EYA4: variants seen among roughly 807,000 people sequenced by gnomAD.
The protein encoded by EYA4 is EYA transcriptional coactivator and phosphatase 4, also known as protein phosphatase EYA4.
A neutral mutation model predicts 87.9 loss-of-function variants in EYA4; 31 were observed. The observed-to-expected ratio is 0.35, with a 90% CI of 0.27 to 0.48. EYA4 has a LOEUF of 0.48. EYA4 is among the 20% of genes least tolerant of loss of function. The probability of loss-of-function intolerance (pLI) is 0.99; values close to 1 mark genes in which losing one functional copy is unlikely to be tolerated. For missense variants in EYA4, 678 were observed against 761.4 expected (o/e 0.89, Z 1.29); for synonymous variants, 263 against 270.6 (o/e 0.97, Z 0.28).
intron 1 of EYA4, among the ~76,000 whole-genome samples, chr6:133,242,329 C>A (rs1215508795): frequency 2.6e-5 from 4 of 152,190 alleles, no homozygotes; most frequent in Admixed American, 1.3e-4. Flanking sequence ...TTTTCAACTG[C>A]GGCGATCCCA....
chr6:133,313,036 A>G (rs1780351639), intron 2 of EYA4, among the ~76,000 whole-genome samples: 1 of 151,746 alleles, frequency 6.6e-6, no homozygotes, highest in African/African-American at 2.4e-5. Context: ...TTTTATTTTC[A>G]TTTTCTTCTT....
intron 10 of EYA4, among the ~76,000 whole-genome samples, chr6:133,466,443 G>A (rs1794848889): frequency 2.0e-5 from 3 of 152,106 alleles, no homozygotes. Flanking sequence ...TTAGGAATTG[G>A]TCTGTATACT....
chr6:133,525,952 G>T (rs1421171657), intron 19 of EYA4: 2 of 984,014 alleles, frequency 2.0e-6, no homozygotes, highest in African/African-American at 3.5e-5. Context: ...TGAGCCAGTG[G>T]TACTTGATTG....
At chr6:133,465,925 A>T (rs1794797009) in intron 10 of EYA4, among the ~76,000 whole-genome samples, 1 of 152,182 alleles carries the variant, frequency 6.6e-6, no homozygotes, top group African/African-American at 2.4e-5. Context: ...GTCTTAAAAC[A>T]CTAAACATCA....
intron 2 of EYA4, among the ~76,000 whole-genome samples, chr6:133,288,917 T>TTAC (rs1778274071): frequency 1.3e-5 from 2 of 152,108 alleles, no homozygotes; most frequent in African/African-American, 4.8e-5. Flanking sequence ...GACCAGAAGG[T>TTAC]TACTGGTGGC....
At chr6:133,522,258 G>C (rs1800249065) in intron 17 of EYA4, among the ~76,000 whole-genome samples, 1 of 60,624 alleles carries the variant, frequency 1.6e-5, no homozygotes, top group Admixed American at 1.7e-4. Flanking sequence ...GTGCCATGTT[G>C]GTGTGCTATT....
At chr6:133,252,086 AT>A (rs1233079281) in intron 1 of EYA4, among the ~76,000 whole-genome samples, 1 of 152,188 alleles carries the variant, frequency 6.6e-6, no homozygotes, top group Admixed American at 6.5e-5. Context: ...GGAAGTAAAT[AT>A]TTATTTGAAT....
At chr6:133,343,547 C>A (rs1782960789) in intron 2 of EYA4, among the ~76,000 whole-genome samples, 1 of 148,714 alleles carries the variant, frequency 6.7e-6, no homozygotes, top group African/African-American at 2.5e-5. Context: ...ACCACCACCA[C>A]CACCAGCACC....
At chr6:133,353,461 T>C (rs945501823) in intron 2 of EYA4, among the ~76,000 whole-genome samples, 5 of 152,176 alleles carry the variant, frequency 3.3e-5, no homozygotes, top group African/African-American at 1.2e-4. Flanking sequence ...TAGATATTTT[T>C]TGAACATTTC....
intron 2 of EYA4, among the ~76,000 whole-genome samples, chr6:133,331,062 A>T (rs1781919676): frequency 7.0e-6 from 1 of 143,808 alleles, no homozygotes; most frequent in African/African-American, 2.7e-5. Flanking sequence ...CCAGAACCAG[A>T]AGTAGTGTAA....
intron 1 of EYA4, among the ~76,000 whole-genome samples, chr6:133,255,405 C>T (rs2128236435): frequency 6.6e-6 from 1 of 152,128 alleles, no homozygotes; most frequent in Middle Eastern, 3.4e-3. Flanking sequence ...GGTTGCTGGT[C>T]ATGTGAAAGT....
intron 3 of EYA4, among the ~76,000 whole-genome samples, chr6:133,417,260 C>T (rs1464271096): frequency 6.6e-6 from 1 of 152,154 alleles, no homozygotes; most frequent in African/African-American, 2.4e-5. Context: ...TAGACGTTAA[C>T]TTCTTGGGTC....
At chr6:133,273,097 G>GTATATA (rs3065331) in intron 1 of EYA4, among the ~76,000 whole-genome samples, 21 of 106,636 alleles carry the variant, frequency 2.0e-4, no homozygotes, top group African/African-American at 3.2e-4. Context: ...ATATATATAT[G>GTATATA]TATATATATA....
At chr6:133,476,855 C>T (rs918857486) in intron 11 of EYA4, among the ~76,000 whole-genome samples, 2 of 151,978 alleles carry the variant, frequency 1.3e-5, no homozygotes, top group South Asian at 2.1e-4. Flanking sequence ...TTGGTGGTGT[C>T]CCCATCCAAA....
At chr6:133,349,162 G>A (rs1258038342) in intron 2 of EYA4, among the ~76,000 whole-genome samples, 2 of 152,150 alleles carry the variant, frequency 1.3e-5, no homozygotes, top group Non-Finnish European at 2.9e-5. Context: ...CACTCCCTCA[G>A]CCCCTTCGGG....
intron 2 of EYA4, among the ~76,000 whole-genome samples, chr6:133,319,045 G>A (rs1168434448): frequency 6.6e-6 from 1 of 152,138 alleles, no homozygotes; most frequent in African/African-American, 2.4e-5. Flanking sequence ...GTGCTGTCTA[G>A]TAAGTCCTCA....
At chr6:133,333,330 A>G (rs1386071824) in intron 2 of EYA4, among the ~76,000 whole-genome samples, 5 of 152,186 alleles carry the variant, frequency 3.3e-5, no homozygotes. Flanking sequence ...GAGCCCCCTT[A>G]AGAGGCAATG....
At chr6:133,515,174 A>T in intron 16 of EYA4, 147 bp from the exon 17 acceptor site, 1 of 688,082 alleles carries the variant, frequency 1.5e-6, no homozygotes, top group Non-Finnish European at 2.7e-6. Flanking sequence ...GAAACGAAGG[A>T]TCAATATGGA....
intron 2 of EYA4, among the ~76,000 whole-genome samples, chr6:133,365,174 T>C (rs1016534811): frequency 1.3e-5 from 2 of 152,206 alleles, no homozygotes; most frequent in Admixed American, 6.5e-5. Context: ...TCTTAGGATA[T>C]TGATCGCTTG....
Sources: gnomAD v4.1 joint callset for allele counts (sites outside exome capture counted in the v4.1 genomes callset) on GRCh38, gnomAD v4.1.1 for gene constraint, MANE v1.5 for transcripts, NCBI Gene and HGNC (gene_info 2026-07-23, HGNC 2026-07-21) for gene names.